POLR3A: variants seen among roughly 807,000 people sequenced by gnomAD.
POLR3A encodes RNA polymerase III subunit A.
In POLR3A, 112 loss-of-function variants were observed where a neutral mutation model predicts 152.8. That is an observed-to-expected ratio of 0.73 (90% confidence interval 0.63 to 0.86). The LOEUF (loss-of-function observed/expected upper bound fraction) is 0.86. Among genes scored for constraint, POLR3A ranks in the 40% least tolerant of loss-of-function variants. The pLI, the probability that POLR3A is intolerant of heterozygous loss-of-function variation, is 0.00. For synonymous variants in POLR3A, 615 were observed against 652.1 expected, an observed-to-expected ratio of 0.94 and a Z score of 0.87; for missense variants, 1,385 against 1,743.1, an observed-to-expected ratio of 0.79 and a Z score of 3.66.
At chr10:77,978,394 C>T (rs1847109033) in intron 30 of POLR3A, among the ~76,000 whole-genome samples, 1 of 152,008 alleles carries the variant, frequency 6.6e-6, no homozygotes, top group Non-Finnish European at 1.5e-5. Flanking sequence ...GCTGAAGGAC[C>T]AGGAGGAGGG....
intron 16 of POLR3A, among the ~76,000 whole-genome samples, chr10:78,004,476 A>T (rs1011616303): frequency 1.3e-5 from 2 of 152,136 alleles, no homozygotes; most frequent in African/African-American, 2.4e-5. Context: ...GGACATGAGG[A>T]TCTGATGAAA....
At position 78,001,558 on chromosome 10, in the gene POLR3A, A is replaced by T. The variant is rs568188317; in HGVS notation, c.2360-464T>A. ...AAAGAGACTGGACTTTATCCTGTTT[A>T]AAAAAAAAGTGTACAGAAATAGAAG... On this transcript the variant is annotated intron_variant, in intron 17 of 30. Transcript: ENST00000372371. Among the ~76,000 whole-genome samples the T allele has an allele frequency of 4.2e-3, 641 of 151,738 alleles. 6 individuals are homozygous for T. The highest frequency in any genetic ancestry group is 0.014 in the African/African-American group (595 of 41,410).
In POLR3A at chr10:77,982,749, A is replaced by G. The variant is rs1259175723; in HGVS notation, c.3498T>C (p.Ala1166=). ...CACACACCACAGCCTCACCATGAAC[A>G]GCCACATCACCGGGCTTCACACGGA... ...SKLRVKPGDV[A]VHGEAVVCVT... The change falls in exon 27 of 31, where the codon GCT becomes GCC. Residue 1166 remains alanine, a synonymous_variant. Transcript: ENST00000372371. The G allele has an allele frequency of 1.2e-6, 2 of 1,613,996 alleles. No individual in the cohort carries two copies. Among genetic ancestry groups the G allele is most frequent in the Admixed American group, 1.7e-5 (1 of 60,014 alleles).
At position 77,985,885 on chromosome 10, in the gene POLR3A, A is replaced by G. The variant is rs71479613; in HGVS notation, c.3071+18T>C. 5.3e-4 allele frequency: 855 copies of G among 1,599,454 alleles called. No individual in the cohort carries two copies. The highest frequency in any genetic ancestry group is 1.5e-3 in the Admixed American group (91 of 59,994). ...ACCTATGTGGATGACCGTCAGTCCA[A>G]GACAAAAGCATCCCTACCTCATGTA... is the stretch of plus-strand genomic sequence containing the variant. On this transcript the variant is annotated intron_variant, in intron 23 of 30. Coordinates refer to ENST00000372371, the MANE Select transcript of POLR3A (RefSeq NM_007055.4).
In POLR3A at chr10:77,985,221, G is replaced by A; in HGVS notation, c.3191C>T (p.Thr1064Ile). ...CTCTTTAATCCGGGGCACGCCCAGG[G>A]TGATGTTCATGGAGGCCACACCTGC... The part of the protein sequence containing the change: ...HFAGVASMNI[T>I]LGVPRIKEII... Residue 1064 changes from threonine (T) to isoleucine (I), a missense_variant, in exon 24 of 31, where the codon ACC (threonine) becomes ATC (isoleucine). Physicochemically the swap from Thr to Ile is moderately conservative, Grantham distance 89. Coordinates refer to ENST00000372371, the MANE Select transcript of POLR3A (RefSeq NM_007055.4). The A allele has an allele frequency of 6.2e-7, 1 of 1,614,112 alleles. No homozygotes were observed. Among genetic ancestry groups the A allele is most frequent in the Non-Finnish European group, 8.5e-7 (1 of 1,179,930 alleles).
chr10:78,019,187 G>C lies in POLR3A; in HGVS notation c.1264C>G (p.Gln422Glu). The C allele has an allele frequency of 6.2e-7, 1 of 1,613,212 alleles. No individual in the cohort carries two copies. The highest frequency in any genetic ancestry group is 8.5e-7 in the Non-Finnish European group (1 of 1,179,174). The change falls in exon 9 of 31, where the codon CAG becomes GAG. Residue 422 changes from glutamine to glutamate, a missense_variant. Around this residue, in one of 7 missense-constraint regions of POLR3A, gnomAD observed 493 missense variants for 647.5 expected, o/e 0.76. Transcript: ENST00000372371. ...PEVHPGANFI[Q>E]QRHTQMKRFL... ...CTTTTCATCTGCGTATGTCTCTGCT[G>C]AATGAAGTTTGCTCCTGGGTGAACC...
rs771786550 is a variant in POLR3A at position 78,002,206 on chromosome 10, C to T, written c.2350G>A (p.Gly784Ser). ...AGAGGGGCATGCAGACCTTTGGAGC[C>T]GCACAGAGCCATGGTGAGGGGGCTG... is the stretch of plus-strand genomic sequence containing the variant. ...SNSPLTMALC[G>S]SKGSFINISQ... The change falls in exon 17 of 31, where the codon GGC becomes AGC. Residue 784 changes from glycine (G) to serine (S), a missense_variant. Physicochemically the swap from Gly to Ser is moderately conservative, Grantham distance 56. Around this residue, in one of 7 missense-constraint regions of POLR3A, gnomAD observed 170 missense variants for 231.2 expected, o/e 0.74. Transcript: ENST00000372371. 8.8e-6 allele frequency: 14 copies of T among 1,582,584 alleles called. No homozygotes were observed. Among genetic ancestry groups the T allele is most frequent in the East Asian group, 2.3e-5 (1 of 43,874 alleles).
intron 5 of POLR3A, 103 bp from the exon 6 acceptor site, chr10:78,022,487 GA>G (rs1229778773): frequency 8.5e-7 from 1 of 1,181,214 alleles, no homozygotes; most frequent in Non-Finnish European, 1.2e-6. Context: ...TGTCACTAAG[GA>G]TAAGTGACAA....
intron 20 of POLR3A, among the ~76,000 whole-genome samples, chr10:77,991,723 C>T (rs934252588): frequency 1.3e-5 from 2 of 152,100 alleles, no homozygotes; most frequent in Non-Finnish European, 2.9e-5. Context: ...CGGGGTTTCA[C>T]CATGTTGGCC....
rs145031387 is a variant in POLR3A at position 77,983,411 on chromosome 10, G to A, written c.3429+509C>T. Among the ~76,000 whole-genome samples the A allele has an allele frequency of 1.2e-4, 19 of 152,318 alleles. No individual in the cohort carries two copies. The East Asian group carries it at 1.7e-3, about 14-fold the overall frequency. ...TACCCGAGAGAAAGAAGAGGGTGTC[G>A]GGAAGTTACTCAGTTTGTACCCCAA... On this transcript the variant is annotated intron_variant, in intron 26 of 30. Transcript: ENST00000372371.
intron 20 of POLR3A, 100 bp downstream of exon 20, chr10:77,993,097 G>T: frequency 2.3e-6 from 2 of 878,664 alleles, no homozygotes; most frequent in Non-Finnish European, 2.0e-6. Context: ...TATAAATACT[G>T]AAGTATTTAT....
Position 77,992,882 on chromosome 10 carries a change from T to C in POLR3A, c.2787+315A>G, listed in dbSNP as rs2131936854. Among the ~76,000 whole-genome samples the C allele has an allele frequency of 1.3e-5, 2 of 150,918 alleles. 1 individual carries two copies. Among genetic ancestry groups the C allele is most frequent in the South Asian group, 4.2e-4 (2 of 4,776 alleles). ...GGAAAGTAAAAAAAAAAAGCAAAAC[T>C]TTTTTCTTTTTTTTATAGAGACGGG... On this transcript the variant is annotated intron_variant, in intron 20 of 30. Coordinates refer to ENST00000372371, the MANE Select transcript of POLR3A (RefSeq NM_007055.4).
chr10:78,020,380 C>T (rs1847567077), intron 8 of POLR3A, among the ~76,000 whole-genome samples: 1 of 151,896 alleles, frequency 6.6e-6, no homozygotes, highest in Non-Finnish European at 1.5e-5. Flanking sequence ...GTCCTAGCTA[C>T]TCGGGAGGCT....
chr10:77,995,577 A>G (rs537595462), intron 19 of POLR3A, among the ~76,000 whole-genome samples: 3 of 152,254 alleles, frequency 2.0e-5, no homozygotes, highest in African/African-American at 7.2e-5. Context: ...CCATTACATA[A>G]TGGTAAAGGG....
At chr10:77,998,399 A>T (rs1223695153) in intron 19 of POLR3A, among the ~76,000 whole-genome samples, 2 of 152,106 alleles carry the variant, frequency 1.3e-5, no homozygotes, top group Non-Finnish European at 2.9e-5. Context: ...TTTGCAACCT[A>T]CTCATCTGAC....
chr10:78,008,018 G>GGC, intron 14 of POLR3A, 152 bp from the exon 15 acceptor site: 2 of 414,328 alleles, frequency 4.8e-6, no homozygotes. Context: ...TTGGGGGGAG[G>GGC]GAGGGGGGGT....
intron 12 of POLR3A, 90 bp from the exon 13 acceptor site, chr10:78,010,081 T>C: frequency 6.6e-7 from 1 of 1,516,402 alleles, no homozygotes; most frequent in Non-Finnish European, 9.0e-7. Context: ...ATTTGAACCA[T>C]GACCAACAGC....
chr10:77,983,967 TA>T lies in POLR3A; in HGVS notation c.3381del (p.Phe1127LeufsTer14), dbSNP rs771667921. 1 of 1,613,064 alleles carries T rather than the reference TA, an allele frequency of 6.2e-7. No individual in the cohort carries two copies. Among genetic ancestry groups the T allele is most frequent in the Non-Finnish European group, 8.5e-7 (1 of 1,179,050 alleles). On this transcript the variant is annotated frameshift_variant, in exon 26 of 31. Transcript: ENST00000372371. LOFTEE classifies it high-confidence loss of function. ...IEEVFLPDDC[F>X]ILVKLSLERI... is the part of the protein sequence containing the mutation. ...CGTTCCAGGGAGAGCTTGACGAGAA[TA>T]AAGCAGTCATCAGGAAGAAACACTT...
Position 77,977,830 on chromosome 10 carries a change from G to A in POLR3A, c.4025-204C>T, listed in dbSNP as rs548507536. 2.6e-5 allele frequency among the ~76,000 whole-genome samples: 4 copies of A among 152,292 alleles called. No individual in the cohort carries two copies. In the East Asian group the frequency reaches 7.7e-4, roughly 29 times the overall value. ...GACAGGGGGATTCTGCACTTTCAGGGAAGGGCAGGGCTTGCTCACAGCCCA... is the reference window on the plus strand; with the variant it reads ...GACAGGGGGATTCTGCACTTTCAGGAAAGGGCAGGGCTTGCTCACAGCCCA... On this transcript the variant is annotated intron_variant, in intron 30 of 30. Coordinates refer to ENST00000372371, the MANE Select transcript of POLR3A (RefSeq NM_007055.4).
Sources: gnomAD v4.1 joint callset for allele counts (sites outside exome capture counted in the v4.1 genomes callset) on GRCh38, gnomAD v4.1.1 for gene constraint, gnomAD v4.1.1 regional missense constraint, MANE v1.5 for transcripts, NCBI Gene and HGNC (gene_info 2026-07-23, HGNC 2026-07-21) for gene names.